ACOT7: variants seen among roughly 807,000 people sequenced by gnomAD.
ACOT7 encodes acyl-CoA thioesterase 7.
In ACOT7, 12 loss-of-function variants were observed where a neutral mutation model predicts 40.2. The observed-to-expected ratio is 0.30, with a 90% CI of 0.19 to 0.48. ACOT7 has a LOEUF of 0.48. Ranked by LOEUF, ACOT7 falls within the 20% of genes least tolerant of loss-of-function variation. The pLI is 0.99. For missense variants in ACOT7, 395 were observed against 530.8 expected, an observed-to-expected ratio of 0.74 and a Z score of 2.51; for synonymous variants, 228 against 219.5, an observed-to-expected ratio of 1.04 and a Z score of -0.34.
At chr1:6,351,395 C>G (rs1641587766) in intron 1 of ACOT7, among the ~76,000 whole-genome samples, 1 of 152,242 alleles carries the variant, frequency 6.6e-6, no homozygotes, top group Non-Finnish European at 1.5e-5. Context: ...TTTTAAAATA[C>G]CTTTGTTTTT....
At chr1:6,360,430 T>G in intron 1 of ACOT7, 1 of 1,240,588 alleles carries the variant, frequency 8.1e-7, no homozygotes, top group Middle Eastern at 2.5e-4. Context: ...TCGGCCCATC[T>G]TCCTGAGTAG....
At chr1:6,265,616 T>TAA (rs3035675) in intron 8 of ACOT7, among the ~76,000 whole-genome samples, 110,709 of 151,878 alleles carry the variant, frequency 0.73, 40,525 homozygotes, top group African/African-American at 0.77. Context: ...CCTTTCACTC[T>TAA]GTCTTGTGGC....
At chr1:6,302,213 G>A (rs1571286333) in intron 6 of ACOT7, among the ~76,000 whole-genome samples, 1 of 152,262 alleles carries the variant, frequency 6.6e-6, no homozygotes, top group East Asian at 1.9e-4. Flanking sequence ...CATGGACACT[G>A]GCCAGGGCAG....
chr1:6,387,889 C>A (rs1642464491), intron 1 of ACOT7, among the ~76,000 whole-genome samples: 1 of 152,060 alleles, frequency 6.6e-6, no homozygotes, highest in Non-Finnish European at 1.5e-5. Flanking sequence ...GCGGAATGCT[C>A]CAGAATACAA....
intron 4 of ACOT7, among the ~76,000 whole-genome samples, chr1:6,332,879 A>G (rs886346394): frequency 6.6e-6 from 1 of 152,170 alleles, no homozygotes; most frequent in African/African-American, 2.4e-5. Context: ...GATGCTTCCA[A>G]CCACAGCGAA....
intron 6 of ACOT7, among the ~76,000 whole-genome samples, chr1:6,304,132 C>T (rs1279664271): frequency 6.6e-6 from 1 of 152,094 alleles, no homozygotes; most frequent in Non-Finnish European, 1.5e-5. Context: ...AAAGCAAGGT[C>T]GCTTCCTGGA....
intron 5 of ACOT7, among the ~76,000 whole-genome samples, chr1:6,325,836 G>A (rs937890877): frequency 3.3e-5 from 5 of 152,178 alleles, no homozygotes; most frequent in East Asian, 3.8e-4. Flanking sequence ...GGAGGTGAGC[G>A]GCCATAACAA....
In ACOT7 at chr1:6,306,861, T is replaced by C; in HGVS notation, c.712+11631A>G. The C allele has an allele frequency of 7.8e-7, 1 of 1,289,112 alleles. No homozygotes were observed. Among genetic ancestry groups the C allele is most frequent in the Non-Finnish European group, 1.0e-6 (1 of 988,682 alleles). 79.9% of individuals were successfully genotyped at this position (1,289,112 alleles called of 1,614,324 possible). A position where few individuals can be genotyped will look rare whatever the true frequency, so the allele number is the denominator to read the frequency against. On this transcript the variant is annotated intron_variant, in intron 6 of 8. Coordinates refer to ENST00000361521, the MANE Select transcript of ACOT7 (RefSeq NM_007274.4). The surrounding 1 kb of genome is among the most constrained non-coding windows in gnomAD (Gnocchi z 4.3). ...GAGTAACTGTGCCCTCTTTTGCATT[T>C]TTCAGTGAAAGTCAACTCCTCCTGC...
chr1:6,338,431 G>GGTC lies in ACOT7; in HGVS notation c.418+999_418+1001dup, dbSNP rs1006730302. 9.9e-5 allele frequency among the ~76,000 whole-genome samples: 15 copies of GGTC among 152,184 alleles called. No individual in the cohort carries two copies. The highest frequency in any genetic ancestry group is 3.6e-4 in the African/African-American group (15 of 41,450). Reference sequence around the variant, plus strand: ...GCCACATCCTGAGACCAGCATCCAGGGTCCCTCTGATGTCAGAGGTGCCTG... The same window carrying GGTC: ...GCCACATCCTGAGACCAGCATCCAGGGTCGTCCCTCTGATGTCAGAGGTGCCTG... On this transcript the variant is annotated intron_variant, in intron 3 of 8. Coordinates refer to ENST00000361521, the MANE Select transcript of ACOT7 (RefSeq NM_007274.4). The surrounding 1 kb of genome is among the most constrained non-coding windows in gnomAD (Gnocchi z 4.4).
chr1:6,295,200 C>T (rs1639779401), intron 6 of ACOT7: 1 of 476,008 alleles, frequency 2.1e-6, no homozygotes, highest in Non-Finnish European at 3.8e-6. Context: ...GCTGATATGC[C>T]AAGCCACTAA....
At chr1:6,385,710 T>G (rs746718061) in intron 1 of ACOT7, 1 of 1,585,028 alleles carries the variant, frequency 6.3e-7, no homozygotes, top group African/African-American at 1.3e-5. Flanking sequence ...ACAAGTATGA[T>G]GCCCAGCAGA....
chr1:6,375,753 G>A (rs1415512501), intron 1 of ACOT7, among the ~76,000 whole-genome samples: 3 of 150,250 alleles, frequency 2.0e-5, no homozygotes, highest in South Asian at 2.1e-4. Flanking sequence ...TGGTTAACAC[G>A]GTGAAACCCC....
chr1:6,327,079 G>A (rs758261883), intron 5 of ACOT7, among the ~76,000 whole-genome samples: 2 of 152,192 alleles, frequency 1.3e-5, no homozygotes, highest in African/African-American at 2.4e-5. Flanking sequence ...CCTGAGTCAC[G>A]CAGGTCGCCT....
rs541781643 is a variant in ACOT7 at position 6,294,138 on chromosome 1, G to A, written c.829+726C>T. ...CCCTGACGATGCTGACACCACCCTC[G>A]GTCTGTGAGGCAGTGCTGCTGCAGG... is the stretch of plus-strand genomic sequence containing the variant. On this transcript the variant is annotated intron_variant, in intron 7 of 8. Coordinates refer to ENST00000361521, the MANE Select transcript of ACOT7 (RefSeq NM_007274.4). This position sits in a 1 kb window ranked among gnomAD's most constrained non-coding sequence, Gnocchi z 4.6. Among the ~76,000 whole-genome samples the A allele has an allele frequency of 6.6e-5, 10 of 152,350 alleles. No individual in the cohort carries two copies. The South Asian group carries it at 2.1e-3, about 32-fold the overall frequency.
chr1:6,321,209 G>T (rs1234851911), intron 5 of ACOT7, among the ~76,000 whole-genome samples: 1 of 152,188 alleles, frequency 6.6e-6, no homozygotes, highest in Non-Finnish European at 1.5e-5. Flanking sequence ...TGGGAAATAG[G>T]GGCCCACGGC....
chr1:6,281,197 C>G lies in ACOT7; in HGVS notation c.919G>C (p.Asp307His), dbSNP rs1639348332. ...GCCCGGTAGCGCTTCTGAGAGCTGT[C>G]CACAACAGGGTCGGCGTCCACCAAC... is the stretch of plus-strand genomic sequence containing the variant. Reference protein sequence around the residue: ...EVLVDADPVVDSSQKRYRAAS... With the variant: ...EVLVDADPVVHSSQKRYRAAS... The change falls in exon 8 of 9, where the codon GAC becomes CAC. Residue 307 changes from aspartate to histidine, a missense_variant. By Grantham distance (81) the Asp-to-His change is moderately conservative. Transcript: ENST00000361521. 1 of 1,614,122 alleles carries G rather than the reference C, an allele frequency of 6.2e-7. No homozygotes were observed. Among genetic ancestry groups the G allele is most frequent in the Non-Finnish European group, 8.5e-7 (1 of 1,180,034 alleles).
intron 3 of ACOT7, among the ~76,000 whole-genome samples, chr1:6,336,763 C>A (rs1466242577): frequency 8.2e-6 from 1 of 121,812 alleles, no homozygotes; most frequent in Non-Finnish European, 1.5e-5. Context: ...GCTGTTGGGG[C>A]CTTCGAGTTC....
intron 1 of ACOT7, among the ~76,000 whole-genome samples, chr1:6,386,157 G>A (rs1018537262): frequency 7.2e-5 from 11 of 152,208 alleles, no homozygotes; most frequent in African/African-American, 1.9e-4. Flanking sequence ...CGGGGAAGCC[G>A]AGGAAGGCCA....
chr1:6,376,801 C>A (rs1642241824), intron 1 of ACOT7, among the ~76,000 whole-genome samples: 1 of 150,458 alleles, frequency 6.6e-6, no homozygotes. Flanking sequence ...GAGGCTGAGG[C>A]AGGAGAATGG....
Sources: allele counts gnomAD v4.1 joint callset (sites outside exome capture counted in the v4.1 genomes callset), GRCh38; gene constraint gnomAD v4.1.1; non-coding constraint Gnocchi (gnomAD v3.1); transcripts MANE v1.5; gene names NCBI Gene and HGNC (gene_info 2026-07-23, HGNC 2026-07-21).